LRRC56: variants seen among roughly 807,000 people sequenced by gnomAD.
The protein encoded by LRRC56 is leucine-rich repeat-containing protein 56.
LRRC56 carries 41 observed loss-of-function variants against 47.8 expected under a neutral mutation model. The ratio of observed to expected loss-of-function variants is 0.86; its 90% CI spans 0.67 to 1.11. LRRC56 has a LOEUF of 1.11. Ranked by LOEUF, LRRC56 falls within the 50% of genes most tolerant of loss-of-function variation. LRRC56 has a pLI of 0.00. For synonymous variants in LRRC56, 387 were observed against 311.2 expected (o/e 1.24, Z -2.56); for missense variants, 759 against 704.2 (o/e 1.08, Z -0.88).
chr11:521,614 T>G, the LRRC56 span, among the ~76,000 whole-genome samples: 1 of 152,164 alleles, frequency 6.6e-6, no homozygotes, highest in South Asian at 2.1e-4. Flanking sequence ...AGCCAAGAGA[T>G]ATTTTCAAAA....
chr11:533,744 G>A (rs917139551), upstream of LRRC56: 12 of 1,612,954 alleles, frequency 7.4e-6, no homozygotes, highest in South Asian at 2.2e-5. Context: ...GTGGGCTCCC[G>A]GGCCAGCCTC....
chr11:534,008 G>A (rs1851293564), upstream of LRRC56: 1 of 1,543,606 alleles, frequency 6.5e-7, no homozygotes, highest in Non-Finnish European at 8.9e-7. Flanking sequence ...CACACAGCCA[G>A]CCTCTCCCTG....
intron 6 of LRRC56, among the ~76,000 whole-genome samples, chr11:547,364 T>C (rs1378792812): frequency 6.6e-6 from 1 of 151,606 alleles, no homozygotes; most frequent in African/African-American, 2.4e-5. Context: ...TGTGTTTTTT[T>C]TTGTTTTGAG....
chr11:533,982 T>C (rs2133992300), upstream of LRRC56: 2 of 1,598,032 alleles, frequency 1.3e-6, no homozygotes, highest in Non-Finnish European at 1.7e-6. Context: ...CCTCAGGACC[T>C]TCCGTGGGGG....
chr11:512,999 C>T, the LRRC56 span, among the ~76,000 whole-genome samples: 1 of 152,204 alleles, frequency 6.6e-6, no homozygotes, highest in Non-Finnish European at 1.5e-5. Flanking sequence ...GCCTGGGCTG[C>T]CCCTTAATCT....
intron 6 of LRRC56, among the ~76,000 whole-genome samples, chr11:546,898 A>C (rs1402034023): frequency 6.7e-6 from 1 of 149,108 alleles, no homozygotes; most frequent in African/African-American, 2.4e-5. Flanking sequence ...TAAAAATACA[A>C]AAAAAAAAAG....
At chr11:549,810 C>T (rs1852279361) in intron 6 of LRRC56, 92 bp from the exon 7 acceptor site, 1 of 1,123,800 alleles carries the variant, frequency 8.9e-7, no homozygotes, top group Admixed American at 1.8e-5. Context: ...TAGGTGGTCA[C>T]ACCTGCCCCT....
chr11:536,994 C>T (rs1851534244), upstream of LRRC56: 1 of 152,110 alleles, frequency 6.6e-6, no homozygotes, highest in Non-Finnish European at 1.5e-5. Context: ...CAGCGTGTCC[C>T]GCGGGCCGGG....
Position 550,187 on chromosome 11 carries a change from A to C in LRRC56, c.539A>C (p.Tyr180Ser). 2 of 1,613,006 alleles carry C rather than the reference A, an allele frequency of 1.2e-6. No individual in the cohort carries two copies. Residue 180 changes from tyrosine to serine, a missense_variant, in exon 8 of 14, where the codon TAC (tyrosine) becomes TCC (serine). Physicochemically the swap from Tyr to Ser is moderately radical, Grantham distance 144. Transcript: ENST00000270115. ...NSVEDLGQVR[Y>S]LQLCPRLAML... ...GTGGAGGACCTGGGGCAGGTGCGCT[A>C]CTTGCAGCTGTGCCCACGCCTGGCC... is the stretch of plus-strand genomic sequence containing the variant.
At chr11:506,838 G>C in the LRRC56 span, 2 of 152,286 alleles carry the variant, frequency 1.3e-5, no homozygotes, top group African/African-American at 4.8e-5. Context: ...CCCGGGCAAG[G>C]ACTTCCGGCA....
chr11:516,773 A>G, the LRRC56 span, among the ~76,000 whole-genome samples: 1 of 152,180 alleles, frequency 6.6e-6, no homozygotes, highest in Non-Finnish European at 1.5e-5. Flanking sequence ...ACAAAAATAC[A>G]TCATCATTTC....
chr11:535,263 C>T (rs1292023139), upstream of LRRC56: 2 of 145,944 alleles, frequency 1.4e-5, no homozygotes, highest in African/African-American at 5.0e-5. Context: ...TCACCTGTGC[C>T]CGCGGGCCCC....
upstream of LRRC56, chr11:535,188 G>A (rs979965046): frequency 3.3e-5 from 5 of 151,722 alleles, no homozygotes; most frequent in African/African-American, 1.2e-4. Context: ...CCACGGGTGG[G>A]GCCCGGATTC....
chr11:544,921 T>G, intron 6 of LRRC56, 141 bp downstream of exon 6: 6 of 844,822 alleles, frequency 7.1e-6, no homozygotes, highest in East Asian at 2.7e-5. Context: ...GAGAGCTCCA[T>G]CCTGCTGGCT....
intron 5 of LRRC56, 69 bp from the exon 6 acceptor site, chr11:544,651 G>T: frequency 6.6e-7 from 1 of 1,517,616 alleles, no homozygotes; most frequent in Non-Finnish European, 9.1e-7. Flanking sequence ...GATGCCTAGG[G>T]GTGAAGGAGG....
At chr11:547,118 G>A (rs1852121399) in intron 6 of LRRC56, among the ~76,000 whole-genome samples, 1 of 151,866 alleles carries the variant, frequency 6.6e-6, no homozygotes, top group Non-Finnish European at 1.5e-5. Flanking sequence ...TGTAATGCCA[G>A]CTGCACAGGA....
upstream of LRRC56, chr11:534,614 G>A (rs1177292459): frequency 1.9e-6 from 1 of 528,398 alleles, no homozygotes; most frequent in Admixed American, 3.2e-5. Context: ...GCCCTCAAAG[G>A]CAGGGCTGAC....
At chr11:515,540 C>T in the LRRC56 span, among the ~76,000 whole-genome samples, 1 of 152,112 alleles carries the variant, frequency 6.6e-6, no homozygotes, top group African/African-American at 2.4e-5. Context: ...TACATTTTGG[C>T]TTATAATAAG....
Position 550,061 on chromosome 11 carries a change from G to T in LRRC56, c.424-11G>T, listed in dbSNP as rs759228353. 2 of 1,611,404 alleles carry T rather than the reference G, an allele frequency of 1.2e-6. No homozygotes were observed. The highest frequency in any genetic ancestry group is 1.3e-5 in the African/African-American group (1 of 75,032). ...GGGCCGGGCCCTGGCTCAGAGCCCC[G>T]CGCTGCCCAGGAACTCTACGCCTCC... On this transcript the variant is annotated splice_polypyrimidine_tract_variant and intron_variant, in intron 7 of 13. Coordinates refer to ENST00000270115, the MANE Select transcript of LRRC56 (RefSeq NM_198075.4).
Sources: allele counts gnomAD v4.1 joint callset (sites outside exome capture counted in the v4.1 genomes callset), GRCh38; gene constraint gnomAD v4.1.1; transcripts MANE v1.5; gene names NCBI Gene and HGNC (gene_info 2026-07-23, HGNC 2026-07-21).